The following P3H2 variants were observed in gnomAD, a reference collection of about 807,000 sequenced individuals.
P3H2 encodes the protein leprecan-like 1.
In P3H2, 80 loss-of-function variants were observed where a neutral mutation model predicts 87.0. That is an observed-to-expected ratio of 0.92 (90% CI 0.77 to 1.11). P3H2 has a LOEUF of 1.11. P3H2 is among the 50% of genes least tolerant of loss of function. P3H2 has a pLI of 0.00. For synonymous variants in P3H2, 367 were observed against 359.3 expected (o/e 1.02, Z -0.24); for missense variants, 1,001 against 923.9 (o/e 1.08, Z -1.08).
intron 1 of P3H2, among the ~76,000 whole-genome samples, chr3:190,060,578 C>T (rs1726300448): frequency 6.6e-6 from 1 of 152,140 alleles, no homozygotes; most frequent in Admixed American, 6.6e-5. Context: ...CAGTCAAGCA[C>T]TCTGTTTTTA....
At chr3:190,121,043 G>T (rs1300779752), upstream of P3H2, 5 of 390,012 alleles carry the variant, frequency 1.3e-5, no homozygotes, top group Non-Finnish European at 2.3e-5. Context: ...GCGCCAGCCA[G>T]AGAGCTAGCG....
intron 1 of P3H2, among the ~76,000 whole-genome samples, chr3:190,119,862 G>C (rs1195409990): frequency 6.6e-6 from 1 of 151,252 alleles, no homozygotes; most frequent in Non-Finnish European, 1.5e-5. Flanking sequence ...AAAAGAAATG[G>C]GAAGTGAGAA....
At chr3:190,116,119 G>A (rs2108527298) in intron 1 of P3H2, among the ~76,000 whole-genome samples, 1 of 152,316 alleles carries the variant, frequency 6.6e-6, no homozygotes, top group East Asian at 1.9e-4. Flanking sequence ...AATTGTTACT[G>A]TGGGAATTCA....
intron 1 of P3H2, among the ~76,000 whole-genome samples, chr3:190,013,287 A>G (rs1724651316): frequency 6.6e-6 from 1 of 152,244 alleles, no homozygotes; most frequent in African/African-American, 2.4e-5. Flanking sequence ...AACTCAATTT[A>G]TTATACCACC....
rs79710462 is a variant in P3H2 at position 190,057,609 on chromosome 3, C to T, written c.481-62167G>A. Among the ~76,000 whole-genome samples, 154 of 149,792 alleles carry T rather than the reference C, an allele frequency of 1.0e-3. 1 individual carries two copies. Among genetic ancestry groups the T allele is most frequent in the African/African-American group, 3.7e-3 (150 of 40,646 alleles). On this transcript the variant is annotated intron_variant, in intron 1 of 14. Coordinates refer to ENST00000319332, the MANE Select transcript of P3H2 (RefSeq NM_018192.4). ...TTTCTATTTGGGATAATGGTGTGGA[C>T]GCTGAGAGGAAAGAAAAAAGCCATC...
At chr3:189,970,093 A>G (rs1490493195) in intron 13 of P3H2, among the ~76,000 whole-genome samples, 1 of 146,304 alleles carries the variant, frequency 6.8e-6, no homozygotes, top group Non-Finnish European at 1.5e-5. Context: ...CTTTGTTTAC[A>G]TATTTGTGTG....
intron 1 of P3H2, among the ~76,000 whole-genome samples, chr3:190,005,029 A>C (rs996125333): frequency 6.9e-6 from 1 of 145,752 alleles, no homozygotes; most frequent in African/African-American, 2.8e-5. Flanking sequence ...TCATTTGTCA[A>C]AAATCATATG....
At chr3:190,091,970 C>A (rs994481969) in intron 1 of P3H2, among the ~76,000 whole-genome samples, 1 of 152,174 alleles carries the variant, frequency 6.6e-6, no homozygotes, top group Non-Finnish European at 1.5e-5. Context: ...CAGTGGCTCA[C>A]GCCTATAATC....
chr3:189,983,216 G>T, intron 7 of P3H2, 76 bp from the exon 8 acceptor site: 1 of 1,096,562 alleles, frequency 9.1e-7, no homozygotes, highest in Non-Finnish European at 1.4e-6. Flanking sequence ...ACTTTACCAA[G>T]GTAGTCTGTG....
intron 1 of P3H2, among the ~76,000 whole-genome samples, chr3:190,030,015 A>G (rs1176326733): frequency 6.6e-6 from 1 of 150,586 alleles, no homozygotes; most frequent in African/African-American, 2.4e-5. Context: ...AAAAAAAAAG[A>G]AAAAAAAAGA....
chr3:190,079,475 T>C (rs949324594), intron 1 of P3H2, among the ~76,000 whole-genome samples: 5 of 152,210 alleles, frequency 3.3e-5, no homozygotes, highest in African/African-American at 9.6e-5. Flanking sequence ...CACAGATGAA[T>C]GATACATCAA....
Position 190,061,149 on chromosome 3 carries a change from A to G in P3H2, c.480+59103T>C, listed in dbSNP as rs560947640. On this transcript the variant is annotated intron_variant, in intron 1 of 14. Coordinates refer to ENST00000319332, the MANE Select transcript of P3H2 (RefSeq NM_018192.4). ...GTAAGATTGAACTGGAATTAAAAAC[A>G]AAACTAAAACACCTTCTTCCTCCAC... Among the ~76,000 whole-genome samples the G allele has an allele frequency of 2.0e-5, 3 of 152,286 alleles. No individual in the cohort carries two copies. In the South Asian group the frequency reaches 6.2e-4, roughly 32 times the overall value.
At chr3:190,002,886 A>G (rs1724260980) in intron 1 of P3H2, among the ~76,000 whole-genome samples, 1 of 152,254 alleles carries the variant, frequency 6.6e-6, no homozygotes, top group African/African-American at 2.4e-5. Flanking sequence ...TTTATACAAT[A>G]TATTCCTTTT....
chr3:190,118,856 G>A (rs1712399299), intron 1 of P3H2, among the ~76,000 whole-genome samples: 1 of 150,956 alleles, frequency 6.6e-6, no homozygotes, highest in Non-Finnish European at 1.5e-5. Context: ...ACTTTTGGAG[G>A]CGGAGACGGA....
chr3:190,111,927 A>T (rs1370338223), intron 1 of P3H2, among the ~76,000 whole-genome samples: 2 of 152,238 alleles, frequency 1.3e-5, no homozygotes, highest in African/African-American at 4.8e-5. Flanking sequence ...ATGCTCAGAG[A>T]GAGAAAAGTA....
chr3:190,086,385 T>C (rs921322849), intron 1 of P3H2, among the ~76,000 whole-genome samples: 1 of 152,162 alleles, frequency 6.6e-6, no homozygotes, highest in African/African-American at 2.4e-5. Context: ...TGTCTGCTTC[T>C]CTGAGTGTTT....
chr3:190,005,887 C>G (rs756958954), intron 1 of P3H2, among the ~76,000 whole-genome samples: 2 of 152,174 alleles, frequency 1.3e-5, no homozygotes, highest in Non-Finnish European at 2.9e-5. Context: ...GCCACATGCT[C>G]TTACTAAAGA....
rs74881382 is a variant in P3H2, at chr3:190,035,713, T to C, written c.481-40271A>G. Reference sequence around the variant, plus strand: ...ACAGCAGGATGGGAGTATTGCACTATTGATAACTCAAAATAATCTCCATTT... The same window carrying C: ...ACAGCAGGATGGGAGTATTGCACTACTGATAACTCAAAATAATCTCCATTT... On this transcript the variant is annotated intron_variant, in intron 1 of 14. Coordinates refer to ENST00000319332, the MANE Select transcript of P3H2 (RefSeq NM_018192.4). Among the ~76,000 whole-genome samples, 918 of 152,312 alleles carry C rather than the reference T, an allele frequency of 6.0e-3. 10 individuals are homozygous for C. Among genetic ancestry groups the C allele is most frequent in the African/African-American group, 0.021 (888 of 41,570 alleles).
At chr3:190,095,157 G>C (rs1727529468) in intron 1 of P3H2, among the ~76,000 whole-genome samples, 1 of 151,334 alleles carries the variant, frequency 6.6e-6, no homozygotes, top group African/African-American at 2.4e-5. Context: ...TCATTGTACA[G>C]ACATGAAAAC....
Sources: gnomAD v4.1 joint callset for allele counts (sites outside exome capture counted in the v4.1 genomes callset) on GRCh38, gnomAD v4.1.1 for gene constraint, MANE v1.5 for transcripts, NCBI Gene and HGNC (gene_info 2026-07-23, HGNC 2026-07-21) for gene names.